SRGAP2B: variants seen among roughly 807,000 people sequenced by gnomAD.
SRGAP2B encodes SLIT-ROBO Rho GTPase activating protein 2B.
In SRGAP2B, 9 loss-of-function variants were observed where a neutral mutation model predicts 22.2. That is an observed-to-expected ratio of 0.41 (90% CI 0.24 to 0.71). The LOEUF (loss-of-function observed/expected upper bound fraction) is 0.71. SRGAP2B is among the 30% of genes least tolerant of loss of function. The pLI is 0.35. For synonymous variants in SRGAP2B, 36 were observed against 87.4 expected, an observed-to-expected ratio of 0.41 and a Z score of 3.28; for missense variants, 114 against 235.8, an observed-to-expected ratio of 0.48 and a Z score of 3.38.
intron 3 of SRGAP2B, among the ~76,000 whole-genome samples, chr1:144,971,233 C>T (rs12023589): frequency 5.4e-5 from 8 of 148,320 alleles, no homozygotes; most frequent in East Asian, 2.0e-4. Flanking sequence ...TGGGTTCAAG[C>T]GATTCTCCTG....
intron 2 of SRGAP2B, among the ~76,000 whole-genome samples, chr1:145,011,498 A>G (rs587647493): frequency 6.7e-4 from 101 of 150,884 alleles, no homozygotes; most frequent in African/African-American, 2.2e-3. Context: ...AGGTACCTAG[A>G]ACTTAACATG....
At chr1:145,068,197 C>T (rs1416429023) in intron 2 of SRGAP2B, among the ~76,000 whole-genome samples, 15 of 64,800 alleles carry the variant, frequency 2.3e-4, no homozygotes, top group Non-Finnish European at 3.9e-4. Context: ...AGCGAGACTC[C>T]GTCTCAAAAA....
At position 145,045,083 on chromosome 1, in the gene SRGAP2B, C is replaced by T. The variant is rs587742326; in HGVS notation, c.67+47752G>A. On this transcript the variant is annotated intron_variant, in intron 2 of 9. Coordinates refer to ENST00000612199, the Ensembl canonical transcript of SRGAP2B. Reference sequence around the variant, plus strand: ...TAAAACAAAAAAAAAAGGATCGATACCATCCTGGTTAACACGGTGAAACCC... The same window carrying T: ...TAAAACAAAAAAAAAAGGATCGATATCATCCTGGTTAACACGGTGAAACCC... Among the ~76,000 whole-genome samples, 8 of 140,618 alleles carry T rather than the reference C, an allele frequency of 5.7e-5. No homozygotes were observed. The South Asian group carries it at 1.7e-3, about 30-fold the overall frequency. The allele number at this position is 140,618 out of a possible 152,430, so 92.3% of individuals were successfully genotyped here. A position where few individuals can be genotyped will look rare whatever the true frequency, so the allele number is the denominator to read the frequency against.
chr1:144,914,153 C>T (rs59105378), intron 5 of SRGAP2B, among the ~76,000 whole-genome samples: 38 of 151,890 alleles, frequency 2.5e-4, no homozygotes, highest in Non-Finnish European at 5.3e-4. Context: ...TGAGGTTTGG[C>T]TTTATAAAAC....
At chr1:144,917,319 A>G (rs1374992996) in intron 4 of SRGAP2B, 1 of 49,242 alleles carries the variant, frequency 2.0e-5, no homozygotes, top group Non-Finnish European at 3.7e-5. Context: ...GAAGTGAGGC[A>G]ACATGACTCA....
At chr1:145,001,950 A>G (rs1369300357) in intron 2 of SRGAP2B, among the ~76,000 whole-genome samples, 7 of 146,654 alleles carry the variant, frequency 4.8e-5, no homozygotes, top group Admixed American at 2.7e-4. Flanking sequence ...TGAGCCCAGG[A>G]GGTCAAGGCC....
At chr1:145,015,699 A>G (rs1672371143) in intron 2 of SRGAP2B, among the ~76,000 whole-genome samples, 1 of 142,712 alleles carries the variant, frequency 7.0e-6, no homozygotes, top group South Asian at 2.2e-4. Context: ...AAAGGCCCAG[A>G]GGCAACAGAA....
chr1:144,984,363 AAC>A lies in SRGAP2B; in HGVS notation c.260+10643_260+10644del, dbSNP rs797026323. ...CAACAACAACAACAACAACAACAAC[AAC>A]AAAAAAAAAAAAACAAAAAAGCCCC... On this transcript the variant is annotated intron_variant, in intron 3 of 9. Coordinates refer to ENST00000612199, the Ensembl canonical transcript of SRGAP2B. 8.3e-4 allele frequency among the ~76,000 whole-genome samples: 99 copies of A among 119,978 alleles called. 2 individuals carry two copies. The highest frequency in any genetic ancestry group is 2.5e-3 in the Admixed American group (30 of 12,184). The allele number at this position is 119,978 out of a possible 152,430, so 78.7% of individuals were successfully genotyped here.
chr1:144,995,669 C>G (rs1401673223), intron 2 of SRGAP2B, among the ~76,000 whole-genome samples: 1 of 141,870 alleles, frequency 7.0e-6, no homozygotes, highest in Non-Finnish European at 1.5e-5. Context: ...CCCCAAGAGA[C>G]TGACTTTAGA....
At chr1:144,923,354 G>C (rs1165901937) in intron 4 of SRGAP2B, among the ~76,000 whole-genome samples, 1 of 150,384 alleles carries the variant, frequency 6.6e-6, no homozygotes, top group Non-Finnish European at 1.5e-5. Context: ...ATGTCTTCAG[G>C]CCCTGATCTC....
rs2101648476 is a variant in SRGAP2B at position 144,888,911 on chromosome 1, T to G, written c.*3249A>C. ...CCTCGGCCTCCCAAAGTGCTGGGAT[T>G]ACAGGCGTGAGCCACCACGCCCAGC... On this transcript the variant is annotated 3_prime_UTR_variant, in exon 10 of 10. Coordinates refer to ENST00000612199, the Ensembl canonical transcript of SRGAP2B. The G allele has an allele frequency of 2.2e-5, 3 of 137,564 alleles. 1 individual carries two copies. In the South Asian group the frequency reaches 7.0e-4, roughly 32 times the overall value. 8.5% of individuals were successfully genotyped at this position (137,564 alleles called of 1,614,324 possible). A position where few individuals can be genotyped will look rare whatever the true frequency, so the allele number is the denominator to read the frequency against.
chr1:145,044,395 GGA>G (rs1649505530), intron 2 of SRGAP2B, among the ~76,000 whole-genome samples: 1 of 128,432 alleles, frequency 7.8e-6, no homozygotes, highest in Non-Finnish European at 1.6e-5. Context: ...ACGATATTCA[GGA>G]AAAAAAACTA....
intron 5 of SRGAP2B, among the ~76,000 whole-genome samples, chr1:144,909,679 G>C (rs1434132007): frequency 6.6e-6 from 1 of 150,414 alleles, no homozygotes; most frequent in Non-Finnish European, 1.5e-5. Flanking sequence ...TATTCTGTTA[G>C]AGAGGGTCCA....
intron 5 of SRGAP2B, 23 bp from the exon 6 acceptor site, chr1:144,906,097 A>T: frequency 1.5e-6 from 1 of 667,502 alleles, no homozygotes. Context: ...GCCCACCCCC[A>T]CCCCCAGAGG....
chr1:144,942,689 G>A (rs1203246555), intron 4 of SRGAP2B, among the ~76,000 whole-genome samples: 7 of 151,444 alleles, frequency 4.6e-5, no homozygotes, highest in Admixed American at 2.0e-4. Flanking sequence ...CAAAGTGCTG[G>A]GATTACAGAC....
At chr1:144,938,767 AGCAC>A in intron 4 of SRGAP2B, among the ~76,000 whole-genome samples, 3 of 121,960 alleles carry the variant, frequency 2.5e-5, no homozygotes, top group Admixed American at 8.4e-5. Context: ...TCCAGTGCCT[AGCAC>A]AGTGCCTGGA....
intron 2 of SRGAP2B, among the ~76,000 whole-genome samples, chr1:145,012,857 G>A (rs1672157575): frequency 6.8e-6 from 1 of 146,342 alleles, no homozygotes; most frequent in Admixed American, 6.7e-5. Flanking sequence ...GGCTGAGGCA[G>A]GCAGATCACT....
intron 3 of SRGAP2B, among the ~76,000 whole-genome samples, chr1:144,987,799 A>G (rs1176909018): frequency 6.6e-6 from 1 of 150,980 alleles, no homozygotes; most frequent in East Asian, 1.9e-4. Flanking sequence ...ACATTTTAAC[A>G]CTTGGTTATC....
intron 5 of SRGAP2B, among the ~76,000 whole-genome samples, chr1:144,910,498 G>A (rs1396622028): frequency 6.7e-6 from 1 of 149,768 alleles, no homozygotes; most frequent in Non-Finnish European, 1.5e-5. Flanking sequence ...AGCTCTGCCA[G>A]CACACAGCCG....
Sources: allele counts gnomAD v4.1 joint callset (sites outside exome capture counted in the v4.1 genomes callset), GRCh38; gene constraint gnomAD v4.1.1; transcripts MANE v1.5; gene names NCBI Gene and HGNC (gene_info 2026-07-23, HGNC 2026-07-21).